NFATC1: variants seen among roughly 807,000 people sequenced by gnomAD.
The protein encoded by NFATC1 is nuclear factor of activated T-cells, cytoplasmic 1.
In NFATC1, 22 loss-of-function variants were observed where a neutral mutation model predicts 76.0. That is an observed-to-expected ratio of 0.29 (90% CI 0.21 to 0.41). The LOEUF (loss-of-function observed/expected upper bound fraction) is 0.41. Ranked by LOEUF, NFATC1 falls within the 10% of genes least tolerant of loss-of-function variation. NFATC1 has a pLI of 1.00. For synonymous variants in NFATC1, 704 were observed against 613.1 expected (o/e 1.15, Z -2.19); for missense variants, 1,357 against 1,337.7 (o/e 1.01, Z -0.23).
intron 1 of NFATC1, among the ~76,000 whole-genome samples, chr18:79,402,016 C>T (rs1198377944): frequency 6.6e-6 from 1 of 152,148 alleles, no homozygotes; most frequent in Non-Finnish European, 1.5e-5. Flanking sequence ...TCTCCCCGGC[C>T]TCCCAGGCCT....
At chr18:79,436,553 A>G (rs1035101798) in intron 3 of NFATC1, among the ~76,000 whole-genome samples, 11 of 152,032 alleles carry the variant, frequency 7.2e-5, no homozygotes, top group African/African-American at 2.2e-4. Flanking sequence ...GCGTCCTCCC[A>G]CGCCCGCTGT....
In NFATC1 at chr18:79,396,256, A is replaced by G; in HGVS notation, c.32A>G (p.Lys11Arg). The change falls in exon 1 of 10, where the codon AAG (lysine) becomes AGG (arginine). Residue 11 changes from lysine (K) to arginine (R), a missense_variant. Lys to Arg is a conservative substitution (Grantham distance 26). This residue lies in a region of NFATC1 where 691 missense variants were observed against 613.1 expected (regional missense o/e 1.13). Coordinates refer to ENST00000427363, the MANE Select transcript of NFATC1 (RefSeq NM_001278669.2). Reference protein sequence around the residue: MPSTSFPVPSKFPLGPAAAVF... With the variant: MPSTSFPVPSRFPLGPAAAVF... ...AGCACCAGCTTTCCAGTCCCTTCCA[A>G]GTTTCCACTTGGCCCTGCGGCTGCG... is the stretch of plus-strand genomic sequence containing the variant. The G allele has an allele frequency of 6.7e-7, 1 of 1,493,850 alleles. No homozygotes were observed. Among genetic ancestry groups the G allele is most frequent in the Admixed American group, 2.0e-5 (1 of 50,090 alleles). 92.5% of individuals were successfully genotyped at this position (1,493,850 alleles called of 1,614,324 possible). A position where few individuals can be genotyped will look rare whatever the true frequency, so the allele number is the denominator to read the frequency against.
intron 6 of NFATC1, among the ~76,000 whole-genome samples, chr18:79,456,854 C>T (rs2087758067): frequency 6.6e-6 from 1 of 152,192 alleles, no homozygotes; most frequent in Admixed American, 6.5e-5. Flanking sequence ...GCAAGGAGGA[C>T]ACAGCTGGGA....
At chr18:79,495,140 G>A (rs28657738) in intron 9 of NFATC1, among the ~76,000 whole-genome samples, 1 of 152,210 alleles carries the variant, frequency 6.6e-6, no homozygotes, top group Non-Finnish European at 1.5e-5. Context: ...TGCATGGGCT[G>A]TGCACATCCC....
At chr18:79,502,369 G>A (rs534420785) in intron 9 of NFATC1, among the ~76,000 whole-genome samples, 2 of 152,300 alleles carry the variant, frequency 1.3e-5, no homozygotes, top group East Asian at 3.9e-4. Flanking sequence ...ATAGTCAAAC[G>A]TTTTTGGAGA....
At chr18:79,402,184 C>T (rs2085289701) in intron 1 of NFATC1, among the ~76,000 whole-genome samples, 1 of 152,268 alleles carries the variant, frequency 6.6e-6, no homozygotes, top group Admixed American at 6.5e-5. Context: ...CCTCCTGTGA[C>T]TGCACAGGTA....
intron 2 of NFATC1, among the ~76,000 whole-genome samples, chr18:79,425,870 A>G (rs2086310267): frequency 6.6e-6 from 1 of 152,216 alleles, no homozygotes; most frequent in Non-Finnish European, 1.5e-5. Flanking sequence ...TGTACAAATA[A>G]CAAACACCGT....
At chr18:79,503,890 A>G (rs1389734677) in intron 9 of NFATC1, among the ~76,000 whole-genome samples, 1 of 152,136 alleles carries the variant, frequency 6.6e-6, no homozygotes. Flanking sequence ...CTTTGCTTTT[A>G]TGGTATGGAG....
At chr18:79,518,438 C>T (rs570836862) in intron 9 of NFATC1, among the ~76,000 whole-genome samples, 10 of 152,338 alleles carry the variant, frequency 6.6e-5, no homozygotes, top group African/African-American at 2.4e-4. Context: ...GCATGTTTCG[C>T]GCTGCCTGCT....
intron 6 of NFATC1, among the ~76,000 whole-genome samples, chr18:79,453,205 C>T (rs2087547855): frequency 6.6e-6 from 1 of 152,154 alleles, no homozygotes; most frequent in Admixed American, 6.5e-5. Flanking sequence ...AGTGTAGGGC[C>T]TCGCTTGGGC....
chr18:79,517,238 C>G (rs1413519033), intron 9 of NFATC1, among the ~76,000 whole-genome samples: 1 of 152,200 alleles, frequency 6.6e-6, no homozygotes, highest in African/African-American at 2.4e-5. Flanking sequence ...ACAAGACTAA[C>G]TTTAGCTAAA....
chr18:79,476,684 T>C (rs751102856), intron 8 of NFATC1, among the ~76,000 whole-genome samples: 12 of 152,260 alleles, frequency 7.9e-5, no homozygotes, highest in South Asian at 2.1e-4. Flanking sequence ...AAGGGAATTC[T>C]CTCACCCCGA....
At chr18:79,428,908 T>G (rs908695877) in intron 2 of NFATC1, among the ~76,000 whole-genome samples, 4 of 152,186 alleles carry the variant, frequency 2.6e-5, no homozygotes, top group African/African-American at 9.6e-5. Context: ...TGTATCATTT[T>G]GTAAAAATGT....
intron 3 of NFATC1, among the ~76,000 whole-genome samples, chr18:79,436,145 G>A: frequency 6.6e-6 from 1 of 152,244 alleles, no homozygotes; most frequent in Non-Finnish European, 1.5e-5. Flanking sequence ...CGTAACCGCA[G>A]ACGTGCCCTC....
At chr18:79,507,617 C>T (rs761130699) in intron 9 of NFATC1, among the ~76,000 whole-genome samples, 10 of 152,214 alleles carry the variant, frequency 6.6e-5, no homozygotes, top group Non-Finnish European at 1.2e-4. Context: ...GGCGCACAGA[C>T]GAGCCCTGGG....
In NFATC1 at chr18:79,506,670, A is replaced by G. The variant is rs374996858; in HGVS notation, c.2782+19733A>G. The stretch of plus-strand genomic sequence containing the variant: ...ATTTTTAAATGACAGTGTTCATGAC[A>G]GAATTTCTCGTAGGGAATAAAAATG... On this transcript the variant is annotated intron_variant, in intron 9 of 9. Transcript: ENST00000427363. Among the ~76,000 whole-genome samples the G allele has an allele frequency of 3.3e-3, 503 of 152,324 alleles. 6 individuals are homozygous for G. The highest frequency in any genetic ancestry group is 0.011 in the African/African-American group (467 of 41,572).
At chr18:79,494,326 C>T (rs878994691) in intron 9 of NFATC1, among the ~76,000 whole-genome samples, 17 of 126,500 alleles carry the variant, frequency 1.3e-4, no homozygotes, top group South Asian at 2.6e-4. Flanking sequence ...GAACCTGGTA[C>T]GGCCGGGGGA....
intron 9 of NFATC1, among the ~76,000 whole-genome samples, chr18:79,489,267 G>C (rs902180186): frequency 6.6e-6 from 1 of 152,354 alleles, no homozygotes; most frequent in African/African-American, 2.4e-5. Context: ...CTGCCTGACT[G>C]TGCGTGGACA....
chr18:79,488,600 C>T (rs1028417589), intron 9 of NFATC1, among the ~76,000 whole-genome samples: 2 of 152,184 alleles, frequency 1.3e-5, no homozygotes, highest in Non-Finnish European at 2.9e-5. Context: ...TGTCCACCCG[C>T]GAGGCCAGCC....
Sources: allele counts gnomAD v4.1 joint callset (sites outside exome capture counted in the v4.1 genomes callset), GRCh38; gene constraint gnomAD v4.1.1; regional missense constraint gnomAD v4.1.1; transcripts MANE v1.5; gene names NCBI Gene and HGNC (gene_info 2026-07-23, HGNC 2026-07-21).